Variants in USP31 observed in about 807,000 individuals in gnomAD.
USP31 encodes the protein ubiquitin carboxyl-terminal hydrolase 31.
Under a neutral mutation model 119.4 loss-of-function variants are expected in USP31, and 44 were observed. That is an observed-to-expected ratio of 0.37 (90% CI 0.29 to 0.47). USP31 has a LOEUF of 0.47. Among genes scored for constraint, USP31 ranks in the 20% least tolerant of loss-of-function variants. The probability of loss-of-function intolerance (pLI) is 0.99; values close to 1 mark genes in which losing one functional copy is unlikely to be tolerated. For missense variants in USP31, 1,643 were observed against 1,730.2 expected, an observed-to-expected ratio of 0.95 and a Z score of 0.89; for synonymous variants, 749 against 705.6, an observed-to-expected ratio of 1.06 and a Z score of -0.97.
Position 23,068,393 on chromosome 16 carries a change from T to C in USP31, c.3712A>G (p.Thr1238Ala), listed in dbSNP as rs753145331. ...TTGCCAAGATCCGTCGAGCGCCGGG[T>C]TTCCTTCTGTCTCAAGGCTGATTTG... ...FFKSALRQKE[T>A]RRSTDLGKTA... Residue 1238 changes from threonine (T) to alanine (A), a missense_variant, in exon 16 of 16, where the codon ACC (threonine) becomes GCC (alanine). Coordinates refer to ENST00000219689, the MANE Select transcript of USP31 (RefSeq NM_020718.4). The C allele has an allele frequency of 2.5e-6, 4 of 1,613,950 alleles. No individual in the cohort carries two copies. The highest frequency in any genetic ancestry group is 3.4e-6 in the Non-Finnish European group (4 of 1,180,032).
chr16:23,087,408 C>A (rs957318469), intron 8 of USP31, among the ~76,000 whole-genome samples: 1 of 152,198 alleles, frequency 6.6e-6, no homozygotes, highest in African/African-American at 2.4e-5. Flanking sequence ...ACAAGTAACA[C>A]ATTGCCTTTA....
chr16:23,114,452 G>GAAA (rs917531470), intron 1 of USP31, among the ~76,000 whole-genome samples: 1 of 89,994 alleles, frequency 1.1e-5, no homozygotes, highest in Non-Finnish European at 2.4e-5. Context: ...GAAAAAATAG[G>GAAA]AAAAAAAAAA....
At chr16:23,142,720 T>C (rs1903387607) in intron 1 of USP31, among the ~76,000 whole-genome samples, 1 of 152,184 alleles carries the variant, frequency 6.6e-6, no homozygotes, top group African/African-American at 2.4e-5. Flanking sequence ...CTATCAACTT[T>C]CTCCCTCAGA....
chr16:23,086,372 CATGTAT>C (rs539285249), intron 9 of USP31, among the ~76,000 whole-genome samples: 2 of 151,750 alleles, frequency 1.3e-5, no homozygotes, highest in Admixed American at 6.6e-5. Flanking sequence ...TGAGTTTTCA[CATGTAT>C]ATTATATATT....
rs1331100350 is a variant in USP31, at chr16:23,068,169, C to T, written c.3936G>A (p.Lys1312=). 6.2e-7 allele frequency: 1 copy of T among 1,614,072 alleles called. No individual in the cohort carries two copies. Among genetic ancestry groups the T allele is most frequent in the Non-Finnish European group, 8.5e-7 (1 of 1,180,044 alleles). ...KHSLLSARKS[K]SSQLDSGVPS... is the part of the protein sequence containing the mutation. ...GAACTCCAGAGTCTAGTTGGGAAGA[C>T]TTGGATTTGCGAGCGGACAGCAGGG... The change falls in exon 16 of 16, where the codon AAG becomes AAA. Residue 1312 remains lysine, a synonymous_variant. Coordinates refer to ENST00000219689, the MANE Select transcript of USP31 (RefSeq NM_020718.4).
chr16:23,124,512 C>T (rs1902783285), intron 1 of USP31, among the ~76,000 whole-genome samples: 1 of 152,136 alleles, frequency 6.6e-6, no homozygotes, highest in Non-Finnish European at 1.5e-5. Flanking sequence ...GGGACATACT[C>T]GTCAGTGAGT....
At chr16:23,127,864 AC>A (rs1413381441) in intron 1 of USP31, among the ~76,000 whole-genome samples, 1 of 152,204 alleles carries the variant, frequency 6.6e-6, no homozygotes, top group Non-Finnish European at 1.5e-5. Flanking sequence ...AGTAATTTGT[AC>A]CATACGGTCC....
chr16:23,119,044 T>C (rs1902585387), intron 1 of USP31, among the ~76,000 whole-genome samples: 1 of 151,772 alleles, frequency 6.6e-6, no homozygotes, highest in African/African-American at 2.4e-5. Flanking sequence ...TATTTATAGA[T>C]GAAAAAACTT....
At chr16:23,085,483 AAG>A (rs951381841) in intron 10 of USP31, 100 bp downstream of exon 10, 11 of 1,066,734 alleles carry the variant, frequency 1.0e-5, no homozygotes, top group African/African-American at 1.6e-5. Context: ...AGCTAAAGAG[AAG>A]AGAGATTTGT....
chr16:23,072,072 T>A lies in USP31; in HGVS notation c.2461A>T (p.Met821Leu). ...TCATCTTCACTCCTTTCTCCAGTCA[T>A]CTCCACGGACTCAGAGAGCGACGCC... ...SLASLSESVE[M>L]TGERSEDDGG... is the part of the protein sequence containing the mutation. The change falls in exon 15 of 16, where the codon ATG (methionine) becomes TTG (leucine). Residue 821 changes from methionine (M) to leucine (L), a missense_variant. Transcript: ENST00000219689. The A allele has an allele frequency of 6.2e-7, 1 of 1,613,618 alleles. No individual in the cohort carries two copies. Among genetic ancestry groups the A allele is most frequent in the Non-Finnish European group, 8.5e-7 (1 of 1,179,798 alleles).
chr16:23,083,468 C>T (rs1248285695), intron 11 of USP31, among the ~76,000 whole-genome samples: 1 of 151,762 alleles, frequency 6.6e-6, no homozygotes, highest in Non-Finnish European at 1.5e-5. Context: ...AATGAATGAG[C>T]CCCTGTTAAA....
intron 1 of USP31, among the ~76,000 whole-genome samples, chr16:23,116,226 A>C (rs567528017): frequency 6.6e-6 from 1 of 152,308 alleles, no homozygotes; most frequent in South Asian, 2.1e-4. Context: ...AACAAACAAA[A>C]AAAACAGAAG....
At chr16:23,106,587 G>C in intron 2 of USP31, 100 bp from the exon 3 acceptor site, 1 of 1,211,230 alleles carries the variant, frequency 8.3e-7, no homozygotes, top group Non-Finnish European at 1.1e-6. Context: ...TCCTTTACAA[G>C]CTATGCATCA....
chr16:23,105,194 GC>G (rs1250170903), intron 5 of USP31, among the ~76,000 whole-genome samples: 1 of 152,168 alleles, frequency 6.6e-6, no homozygotes, highest in Non-Finnish European at 1.5e-5. Context: ...TATGAACAAA[GC>G]TACAAGAAGG....
Position 23,069,256 on chromosome 16 carries a change from T to C in USP31, c.2849A>G (p.Lys950Arg). The change falls in exon 16 of 16, where the codon AAA becomes AGA. Residue 950 changes from lysine (K) to arginine (R), a missense_variant. Coordinates refer to ENST00000219689, the MANE Select transcript of USP31 (RefSeq NM_020718.4). ...CAATCTGCGGGTGTCCGATTCGTCT[T>C]TGAACACGCCTTCCATGACAGCCAG... Reference protein sequence around the residue: ...APLAVMEGVFKDESDTRRLNS... With the variant: ...APLAVMEGVFRDESDTRRLNS... The C allele has an allele frequency of 6.2e-7, 1 of 1,613,988 alleles. No individual in the cohort carries two copies. The highest frequency in any genetic ancestry group is 8.5e-7 in the Non-Finnish European group (1 of 1,179,912).
chr16:23,100,341 G>A (rs1019167043), intron 6 of USP31, among the ~76,000 whole-genome samples: 1 of 152,164 alleles, frequency 6.6e-6, no homozygotes, highest in Non-Finnish European at 1.5e-5. Flanking sequence ...GCCACAAAAA[G>A]GAATTAAGTA....
chr16:23,071,990 C>G, intron 15 of USP31, 55 bp downstream of exon 15: 1 of 1,566,648 alleles, frequency 6.4e-7, no homozygotes. Context: ...ACGAGGGACT[C>G]TGCTGTGTCT....
At chr16:23,077,004 C>T (rs1900605471) in intron 13 of USP31, among the ~76,000 whole-genome samples, 2 of 152,182 alleles carry the variant, frequency 1.3e-5, no homozygotes, top group South Asian at 4.2e-4. Flanking sequence ...TATACATGGC[C>T]CCCATAAAAT....
At chr16:23,114,864 T>C (rs1360416174) in intron 1 of USP31, among the ~76,000 whole-genome samples, 1 of 152,222 alleles carries the variant, frequency 6.6e-6, no homozygotes, top group Non-Finnish European at 1.5e-5. Flanking sequence ...AAGGTCCTCT[T>C]TCTGCCTCTT....
Sources: allele counts gnomAD v4.1 joint callset (sites outside exome capture counted in the v4.1 genomes callset), GRCh38; gene constraint gnomAD v4.1.1; transcripts MANE v1.5; gene names NCBI Gene and HGNC (gene_info 2026-07-23, HGNC 2026-07-21).